The following SLC35D4 variants were observed in gnomAD, a reference collection of about 807,000 sequenced individuals.
The protein encoded by SLC35D4 is solute carrier family 35 member D4.
At chr18:23,317,051 C>A in the SLC35D4 span, among the ~76,000 whole-genome samples, 1 of 152,108 alleles carries the variant, frequency 6.6e-6, no homozygotes, top group African/African-American at 2.4e-5. Flanking sequence ...AGTCCTGTGG[C>A]ACTCTCCTTT....
At chr18:23,300,215 C>T in the SLC35D4 span, among the ~76,000 whole-genome samples, 1 of 152,114 alleles carries the variant, frequency 6.6e-6, no homozygotes, top group South Asian at 2.1e-4. Context: ...CGCAGGCTCA[C>T]CTCCAAAGAC....
chr18:23,403,637 G>T, the SLC35D4 span, among the ~76,000 whole-genome samples: 64 of 152,298 alleles, frequency 4.2e-4, no homozygotes, highest in Middle Eastern at 3.4e-3. Context: ...GAACACGTTG[G>T]AACAGGGTTA....
chr18:23,311,669 C>T, the SLC35D4 span, among the ~76,000 whole-genome samples: 476 of 152,180 alleles, frequency 3.1e-3, 5 homozygotes, highest in African/African-American at 0.011. Flanking sequence ...CTAATCAAGT[C>T]TTCTCTTTCT....
chr18:23,319,723 G>A, the SLC35D4 span, among the ~76,000 whole-genome samples: 1 of 152,218 alleles, frequency 6.6e-6, no homozygotes, highest in Non-Finnish European at 1.5e-5. Context: ...ACAGGCATGA[G>A]CCACCGCGCC....
At chr18:23,432,163 C>A in the SLC35D4 span, among the ~76,000 whole-genome samples, 1 of 152,150 alleles carries the variant, frequency 6.6e-6, no homozygotes, top group Non-Finnish European at 1.5e-5. Flanking sequence ...TGAGTCACAG[C>A]CTGAAATGCC....
At chr18:23,304,494 GACATTATATATCTATCAATTATATATA>G in the SLC35D4 span, among the ~76,000 whole-genome samples, 1 of 142,766 alleles carries the variant, frequency 7.0e-6, no homozygotes, top group African/African-American at 2.6e-5. Flanking sequence ...ATATATAAAT[GACATTATATATCTATCAATTATATATA>G]ACATATATAT....
At chr18:23,388,165 G>T in the SLC35D4 span, among the ~76,000 whole-genome samples, 1 of 152,096 alleles carries the variant, frequency 6.6e-6, no homozygotes, top group Non-Finnish European at 1.5e-5. Context: ...CTTCGACAAG[G>T]CTTAATTTTC....
At chr18:23,401,559 C>T in the SLC35D4 span, among the ~76,000 whole-genome samples, 2 of 152,196 alleles carry the variant, frequency 1.3e-5, no homozygotes, top group African/African-American at 4.8e-5. Flanking sequence ...ACATTAAGCT[C>T]ACATGAATCA....
At chr18:23,342,072 G>A in the SLC35D4 span, among the ~76,000 whole-genome samples, 1 of 152,006 alleles carries the variant, frequency 6.6e-6, no homozygotes, top group Non-Finnish European at 1.5e-5. Flanking sequence ...CAGCTTTCAG[G>A]GATGATTTGC....
chr18:23,412,764 C>T, the SLC35D4 span, among the ~76,000 whole-genome samples: 8 of 152,188 alleles, frequency 5.3e-5, no homozygotes, highest in African/African-American at 1.2e-4. Flanking sequence ...AGCATTTTAT[C>T]GGCACACTGT....
the SLC35D4 span, chr18:23,257,129 G>A: frequency 1.5e-6 from 2 of 1,373,494 alleles, no homozygotes; most frequent in Non-Finnish European, 1.0e-6. Flanking sequence ...GATTTCTCCT[G>A]AGCACTCACT....
the SLC35D4 span, among the ~76,000 whole-genome samples, chr18:23,420,452 C>G: frequency 1.5e-4 from 23 of 151,988 alleles, no homozygotes; most frequent in Admixed American, 1.3e-3. Context: ...CAGCAAACTG[C>G]AGCCTTGACC....
At chr18:23,286,336 C>T in the SLC35D4 span, among the ~76,000 whole-genome samples, 1 of 152,194 alleles carries the variant, frequency 6.6e-6, no homozygotes, top group Non-Finnish European at 1.5e-5. Flanking sequence ...AATCTGGCCA[C>T]CAGGCCAAGG....
chr18:23,287,836 G>A, the SLC35D4 span, among the ~76,000 whole-genome samples: 1 of 152,212 alleles, frequency 6.6e-6, no homozygotes, highest in Non-Finnish European at 1.5e-5. Context: ...AAGGACCGGG[G>A]TCGCGTCCTG....
At chr18:23,400,419 T>G in the SLC35D4 span, among the ~76,000 whole-genome samples, 1 of 151,612 alleles carries the variant, frequency 6.6e-6, no homozygotes, top group African/African-American at 2.4e-5. Flanking sequence ...AGGTCAGGAG[T>G]TCTAGACCAG....
the SLC35D4 span, among the ~76,000 whole-genome samples, chr18:23,345,481 CAA>C: frequency 0.039 from 2,220 of 56,582 alleles, 8 homozygotes; most frequent in African/African-American, 0.088. Flanking sequence ...GACTCCATCT[CAA>C]AAAAAAAAAA....
chr18:23,422,461 C>T, the SLC35D4 span, among the ~76,000 whole-genome samples: 1 of 152,072 alleles, frequency 6.6e-6, no homozygotes, highest in African/African-American at 2.4e-5. Context: ...TTTTATTTAT[C>T]CCCATAACAG....
At chr18:23,316,129 A>G in the SLC35D4 span, among the ~76,000 whole-genome samples, 1 of 152,188 alleles carries the variant, frequency 6.6e-6, no homozygotes. Flanking sequence ...TATACCCTCC[A>G]ACTCCAGCCA....
At chr18:23,360,676 A>G in the SLC35D4 span, among the ~76,000 whole-genome samples, 3 of 152,216 alleles carry the variant, frequency 2.0e-5, no homozygotes, top group Non-Finnish European at 1.5e-5. Flanking sequence ...TTGATGGGGT[A>G]TAAGTTACGC....
Sources: allele counts gnomAD v4.1 joint callset (sites outside exome capture counted in the v4.1 genomes callset), GRCh38; gene constraint gnomAD v4.1.1; transcripts MANE v1.5; gene names NCBI Gene and HGNC (gene_info 2026-07-23, HGNC 2026-07-21).